The following ATG3 variants were observed in gnomAD, a reference collection of about 807,000 sequenced individuals.
The protein encoded by ATG3 is autophagy related 3.
In ATG3, 25 loss-of-function variants were observed where a neutral mutation model predicts 50.7. The observed-to-expected ratio is 0.49, with a 90% CI of 0.36 to 0.69. The LOEUF (loss-of-function observed/expected upper bound fraction) is 0.69, where lower values mean the gene tolerates loss of function less well. ATG3 is among the 30% of genes least tolerant of loss of function. The pLI, the probability that ATG3 is intolerant of heterozygous loss-of-function variation, is 0.00. For missense variants in ATG3, 281 were observed against 376.0 expected, an observed-to-expected ratio of 0.75 and a Z score of 2.09; for synonymous variants, 119 against 125.5, an observed-to-expected ratio of 0.95 and a Z score of 0.34.
At chr3:112,541,041 T>A (rs1933209915) in intron 7 of ATG3, among the ~76,000 whole-genome samples, 1 of 152,160 alleles carries the variant, frequency 6.6e-6, no homozygotes, top group Admixed American at 6.5e-5. Flanking sequence ...CTGGCAACTC[T>A]AGGAGGAGGA....
At chr3:112,537,295 G>A (rs1414421893) in intron 9 of ATG3, among the ~76,000 whole-genome samples, 2 of 152,094 alleles carry the variant, frequency 1.3e-5, no homozygotes, top group Non-Finnish European at 2.9e-5. Flanking sequence ...TTGATTTCCT[G>A]TCAATTATCC....
At chr3:112,557,378 G>A (rs971122866) in intron 2 of ATG3, among the ~76,000 whole-genome samples, 7 of 151,758 alleles carry the variant, frequency 4.6e-5, no homozygotes, top group African/African-American at 1.7e-4. Context: ...GCTCAAGCCT[G>A]TAATCCCGAG....
At chr3:112,556,027 T>G (rs1414341747) in intron 2 of ATG3, among the ~76,000 whole-genome samples, 1 of 152,242 alleles carries the variant, frequency 6.6e-6, no homozygotes, top group African/African-American at 2.4e-5. Flanking sequence ...CAGCATACTT[T>G]CATCTCCGCT....
At chr3:112,548,406 T>TAAAA (rs1933430733) in intron 5 of ATG3, 127 bp downstream of exon 5, 1 of 816,384 alleles carries the variant, frequency 1.2e-6, no homozygotes, top group South Asian at 1.8e-5. Flanking sequence ...CCTCCTGCTT[T>TAAAA]TTTCATGTAA....
chr3:112,544,655 A>AG (rs1398693464), intron 5 of ATG3, among the ~76,000 whole-genome samples: 5 of 144,404 alleles, frequency 3.5e-5, no homozygotes, highest in Non-Finnish European at 7.5e-5. Context: ...ACTCCGTCTC[A>AG]GGGAAAAAAA....
At chr3:112,557,220 T>A (rs1256772728) in intron 2 of ATG3, among the ~76,000 whole-genome samples, 1 of 146,080 alleles carries the variant, frequency 6.8e-6, no homozygotes, top group African/African-American at 2.6e-5. Flanking sequence ...CCCCGCTAAT[T>A]TTTTATATTT....
chr3:112,545,221 C>T (rs528550262), intron 5 of ATG3, among the ~76,000 whole-genome samples: 1 of 152,154 alleles, frequency 6.6e-6, no homozygotes, highest in Non-Finnish European at 1.5e-5. Context: ...TACAAGCTAA[C>T]TTTTGGTTCA....
At chr3:112,547,484 A>G (rs1268690241) in intron 5 of ATG3, among the ~76,000 whole-genome samples, 2 of 152,240 alleles carry the variant, frequency 1.3e-5, no homozygotes, top group Non-Finnish European at 2.9e-5. Context: ...ATTTGTTTTT[A>G]GTATCATGGA....
chr3:112,536,285 T>C, intron 10 of ATG3, 190 bp downstream of exon 10: 1 of 594,152 alleles, frequency 1.7e-6, no homozygotes, highest in East Asian at 3.2e-5. Context: ...TAAAACAAAT[T>C]GGTAAGTTTT....
In ATG3 at chr3:112,536,461, C is replaced by G; in HGVS notation, c.794+14G>C. 1 of 1,608,446 alleles carries G rather than the reference C, an allele frequency of 6.2e-7. No homozygotes were observed. The highest frequency in any genetic ancestry group is 8.5e-7 in the Non-Finnish European group (1 of 1,174,866). ...ATCACATCAAAAAATATATTTATCT[C>G]TACATATACAGACCTGCATGGGTGA... On this transcript the variant is annotated intron_variant, in intron 10 of 11. Transcript: ENST00000283290.
intron 6 of ATG3, among the ~76,000 whole-genome samples, chr3:112,543,579 CAG>C (rs1933290168): frequency 6.6e-6 from 1 of 152,014 alleles, no homozygotes; most frequent in Non-Finnish European, 1.5e-5. Context: ...GAAGAAAATA[CAG>C]AGAGAATGAT....
intron 5 of ATG3, among the ~76,000 whole-genome samples, chr3:112,545,939 A>G (rs1576720680): frequency 6.6e-6 from 1 of 152,174 alleles, no homozygotes; most frequent in East Asian, 1.9e-4. Flanking sequence ...TACCCTCTAC[A>G]AGATAGGGGG....
At chr3:112,532,858 A>G (rs746212229) in intron 11 of ATG3, 78 bp from the exon 12 acceptor site, 5 of 1,383,528 alleles carry the variant, frequency 3.6e-6, no homozygotes, top group Non-Finnish European at 4.7e-6. Flanking sequence ...TATCCATTTT[A>G]TTAAGCCATT....
At chr3:112,554,102 A>C (rs1349161546) in intron 2 of ATG3, among the ~76,000 whole-genome samples, 3 of 152,220 alleles carry the variant, frequency 2.0e-5, no homozygotes, top group Admixed American at 6.5e-5. Context: ...ACATGAGCTG[A>C]TCTTACTGGC....
Position 112,561,513 on chromosome 3 carries a change from T to G in ATG3, c.16A>C (p.Asn6His), listed in dbSNP as rs747708614. Residue 6 changes from asparagine (N) to histidine (H), a missense_variant, in exon 1 of 12, where the codon AAT (asparagine) becomes CAT (histidine). Around this residue, in one of 3 missense-constraint regions of ATG3, gnomAD observed 22 missense variants for 22.7 expected, o/e 0.97. Transcript: ENST00000283290. MQNVI[N>H]TVKGKALEVA... is the part of the protein sequence containing the mutation. Reference sequence around the variant, plus strand: ...TCCAGTGCCTTTCCCTTCACAGTATTAATCACATTCTGCATCCTGGGGCCG... The same window carrying G: ...TCCAGTGCCTTTCCCTTCACAGTATGAATCACATTCTGCATCCTGGGGCCG... 6.3e-7 allele frequency: 1 copy of G among 1,583,438 alleles called. No homozygotes were observed. Among genetic ancestry groups the G allele is most frequent in the African/African-American group, 1.4e-5 (1 of 73,572 alleles).
At position 112,554,327 on chromosome 3, in the gene ATG3, C is replaced by G. The variant is rs529116718; in HGVS notation, c.115-998G>C. Among the ~76,000 whole-genome samples the G allele has an allele frequency of 2.6e-5, 4 of 152,332 alleles. No individual in the cohort carries two copies. The South Asian group carries it at 8.3e-4, about 32-fold the overall frequency. On this transcript the variant is annotated intron_variant, in intron 2 of 11. Transcript: ENST00000283290. ...ATAGCCTTAATTGATGACACTCCAC[C>G]ATTGTGATTTGTTTCTGCCCCACCC...
intron 7 of ATG3, 27 bp downstream of exon 7, chr3:112,541,776 A>G: frequency 6.4e-7 from 1 of 1,559,794 alleles, no homozygotes; most frequent in Non-Finnish European, 8.8e-7. Context: ...TTCTAGTGGA[A>G]CTGAAGCAAA....
At chr3:112,550,122 G>C in intron 4 of ATG3, 70 bp downstream of exon 4, 1 of 1,170,596 alleles carries the variant, frequency 8.5e-7, no homozygotes, top group Non-Finnish European at 1.2e-6. Flanking sequence ...TCAAGCAATA[G>C]AAAAACCGAG....
chr3:112,548,792 A>G, intron 4 of ATG3, 152 bp from the exon 5 acceptor site: 2 of 664,364 alleles, frequency 3.0e-6, no homozygotes, highest in Admixed American at 5.4e-5. Flanking sequence ...TAAGAGTTAC[A>G]TTCAGCTCAT....
Sources: allele counts gnomAD v4.1 joint callset (sites outside exome capture counted in the v4.1 genomes callset), GRCh38; gene constraint gnomAD v4.1.1; regional missense constraint gnomAD v4.1.1; transcripts MANE v1.5; gene names NCBI Gene and HGNC (gene_info 2026-07-23, HGNC 2026-07-21).